Variants in FAM124B observed in about 807,000 individuals in gnomAD.
The protein encoded by FAM124B is protein FAM124B.
A neutral mutation model predicts 19.7 loss-of-function variants in FAM124B; 18 were observed. That is an observed-to-expected ratio of 0.92 (90% CI 0.63 to 1.36). The LOEUF (loss-of-function observed/expected upper bound fraction) is 1.36. FAM124B is among the 40% of genes most tolerant of loss of function. FAM124B has a pLI of 0.00. For synonymous variants in FAM124B, 223 were observed against 225.2 expected (o/e 0.99, Z 0.09); for missense variants, 540 against 553.3 (o/e 0.98, Z 0.24).
chr2:224,401,796 C>T lies in FAM124B; in HGVS notation c.-28G>A, dbSNP rs766448837. On this transcript the variant is annotated 5_prime_UTR_variant, in exon 1 of 2. Transcript: ENST00000409685. ...AGGAACTGCCTGAGGCTGACAAAGACAGCGTGTGTAGAAGGCCCACTGTTC... is the reference window on the plus strand; with the variant it reads ...AGGAACTGCCTGAGGCTGACAAAGATAGCGTGTGTAGAAGGCCCACTGTTC... 6.9e-6 allele frequency: 11 copies of T among 1,591,366 alleles called. No homozygotes were observed. In the East Asian group the frequency reaches 2.0e-4, roughly 29 times the overall value.
At position 224,401,410 on chromosome 2, in the gene FAM124B, T is replaced by TAGA. The variant is rs761233139; in HGVS notation, c.358_359insTCT (p.Asp120delinsValTyr). On this transcript the variant is annotated protein_altering_variant, in exon 1 of 2. Transcript: ENST00000409685. ...CACCCCCCAGATGGGCAGCTGACTG[T>TAGA]CCAGGCTGTAGAACTCCTGATTGGC... The TAGA allele has an allele frequency of 6.2e-7, 1 of 1,614,044 alleles. No individual in the cohort carries two copies. Among genetic ancestry groups the TAGA allele is most frequent in the Non-Finnish European group, 8.5e-7 (1 of 1,180,004 alleles).
Position 224,401,949 on chromosome 2 carries a change from C to CG in FAM124B, c.-182dup, listed in dbSNP as rs1388572533. 12 of 668,836 alleles carry CG rather than the reference C, an allele frequency of 1.8e-5. No individual in the cohort carries two copies. Among genetic ancestry groups the CG allele is most frequent in the African/African-American group, 3.6e-5 (2 of 55,246 alleles). The allele number at this position is 668,836 out of a possible 1,614,324, so 41.4% of individuals were successfully genotyped here. On this transcript the variant is annotated 5_prime_UTR_variant, in exon 1 of 2. Transcript: ENST00000409685. ...GTGCTCCTGGCCACCCGTGGACTTA[C>CG]GGCAAGAGAAGCTCACACCAGCTCG...
intron 1 of FAM124B, among the ~76,000 whole-genome samples, chr2:224,388,270 T>A (rs1433474378): frequency 6.6e-6 from 1 of 152,150 alleles, no homozygotes; most frequent in Non-Finnish European, 1.5e-5. Context: ...AAAGAGGAAG[T>A]GGAATTTGAT....
chr2:224,401,017 C>T lies in FAM124B; in HGVS notation c.732+20G>A, dbSNP rs773089408. 6.4e-7 allele frequency: 1 copy of T among 1,570,392 alleles called. No homozygotes were observed. The highest frequency in any genetic ancestry group is 8.6e-7 in the Non-Finnish European group (1 of 1,157,606). ...ACAGCTCCATGAGCCTCTACAAGAT[C>T]TGAGACAAAACAGAAATACCTGAAG... On this transcript the variant is annotated intron_variant, in intron 1 of 1. Coordinates refer to ENST00000409685, the MANE Select transcript of FAM124B (RefSeq NM_001122779.2).
chr2:224,379,580 A>C lies in FAM124B; in HGVS notation c.1361T>G (p.Phe454Cys), dbSNP rs879680851. The change falls in exon 2 of 2, where the codon TTT becomes TGT. Residue 454 changes from phenylalanine to cysteine, a missense_variant. By Grantham distance (205) the Phe-to-Cys change is radical (BLOSUM62 -2). Coordinates refer to ENST00000409685, the MANE Select transcript of FAM124B (RefSeq NM_001122779.2). Reference sequence around the variant, plus strand: ...AACCACATTTATTTTATGCTATATAAAGAATTCTTCTTCATCTTCTTCTTT... The same window carrying C: ...AACCACATTTATTTTATGCTATATACAGAATTCTTCTTCATCTTCTTCTTT... The part of the protein sequence containing the change: ...EEKEEDEEEF[F>C]I 1.4e-5 allele frequency: 21 copies of C among 1,536,670 alleles called. No homozygotes were observed. Among genetic ancestry groups the C allele is most frequent in the Non-Finnish European group, 1.7e-5 (19 of 1,140,568 alleles).
intron 1 of FAM124B, among the ~76,000 whole-genome samples, chr2:224,398,810 C>T (rs6714462): frequency 0.17 from 25,574 of 152,018 alleles, 2,375 homozygotes; most frequent in African/African-American, 0.2. Flanking sequence ...ACCCCATCTC[C>T]ACTAAAAATA....
chr2:224,400,480 TG>T (rs771147711), intron 1 of FAM124B: 18 of 696,806 alleles, frequency 2.6e-5, no homozygotes, highest in South Asian at 9.0e-5. Context: ...CACTCGAGTC[TG>T]GGCAACAGAG....
intron 1 of FAM124B, among the ~76,000 whole-genome samples, chr2:224,389,885 C>T (rs1689852537): frequency 2.0e-5 from 3 of 151,926 alleles, no homozygotes; most frequent in Admixed American, 2.0e-4. Context: ...TTTTGTCTCC[C>T]AAGGGACATT....
At position 224,379,625 on chromosome 2, in the gene FAM124B, A is replaced by C. The variant is rs1441194501; in HGVS notation, c.1316T>G (p.Leu439Arg). The C allele has an allele frequency of 2.6e-6, 4 of 1,550,692 alleles. No homozygotes were observed. Among genetic ancestry groups the C allele is most frequent in the Non-Finnish European group, 3.5e-6 (4 of 1,146,512 alleles). ...RKTISECLLH[L>R]QVQGEEKEED... Reference sequence around the variant, plus strand: ...TTCTTTTTCTTCACCCTGAACTTGCAGATGAAGGAGACATTCTGAAATTGT... The same window carrying C: ...TTCTTTTTCTTCACCCTGAACTTGCCGATGAAGGAGACATTCTGAAATTGT... Residue 439 changes from leucine to arginine, a missense_variant, in exon 2 of 2, where the codon CTG (leucine) becomes CGG (arginine). By Grantham distance (102) the Leu-to-Arg change is moderately radical (BLOSUM62 -2). Coordinates refer to ENST00000409685, the MANE Select transcript of FAM124B (RefSeq NM_001122779.2).
In FAM124B at chr2:224,400,577, C is replaced by G. The variant is rs1004575196; in HGVS notation, c.732+460G>C. The G allele has an allele frequency of 1.8e-5, 12 of 667,062 alleles. No homozygotes were observed. The African/African-American group carries it at 1.8e-4, about 10-fold the overall frequency. 41.3% of individuals were successfully genotyped at this position (667,062 alleles called of 1,614,324 possible). ...AAGTATGACTTCAACTTCCTTAAGT[C>G]AGATTAGAAGAGCTTGTGACATTCC... On this transcript the variant is annotated intron_variant, in intron 1 of 1. Coordinates refer to ENST00000409685, the MANE Select transcript of FAM124B (RefSeq NM_001122779.2).
At position 224,401,060 on chromosome 2, in the gene FAM124B, C is replaced by G; in HGVS notation, c.709G>C (p.Asp237His). ...SSTRWQTQDY[D>H]GNKILLQVQL... ...ACCTGAAGCAGAATCTTGTTGCCAT[C>G]GTAGTCCTGAGTCTGCCACCTGGTG... The change falls in exon 1 of 2, where the codon GAT (aspartate) becomes CAT (histidine). Residue 237 changes from aspartate (D) to histidine (H), a missense_variant. Physicochemically the swap from Asp to His is moderately conservative, Grantham distance 81 (BLOSUM62 -1). Coordinates refer to ENST00000409685, the MANE Select transcript of FAM124B (RefSeq NM_001122779.2). 6.2e-7 allele frequency: 1 copy of G among 1,606,336 alleles called. No individual in the cohort carries two copies. The highest frequency in any genetic ancestry group is 8.5e-7 in the Non-Finnish European group (1 of 1,174,982).
chr2:224,387,994 C>T (rs879803387), intron 1 of FAM124B, among the ~76,000 whole-genome samples: 1 of 152,172 alleles, frequency 6.6e-6, no homozygotes, highest in Non-Finnish European at 1.5e-5. Context: ...TCTGTATATA[C>T]CTTCTTTAAG....
chr2:224,397,718 T>C (rs1689995915), intron 1 of FAM124B, among the ~76,000 whole-genome samples: 1 of 152,206 alleles, frequency 6.6e-6, no homozygotes, highest in African/African-American at 2.4e-5. Flanking sequence ...TCTCATTATG[T>C]TTTAGCAAAG....
At chr2:224,384,804 G>C (rs556944375) in intron 1 of FAM124B, among the ~76,000 whole-genome samples, 1 of 152,062 alleles carries the variant, frequency 6.6e-6, no homozygotes, top group African/African-American at 2.4e-5. Flanking sequence ...GAAAGTGACC[G>C]GTCCCTGGGC....
At chr2:224,385,196 CCCT>C (rs1162234918) in intron 1 of FAM124B, among the ~76,000 whole-genome samples, 1 of 152,168 alleles carries the variant, frequency 6.6e-6, no homozygotes, top group African/African-American at 2.4e-5. Flanking sequence ...GCTGGTAATT[CCCT>C]CCTACCACTC....
chr2:224,389,863 A>G (rs1475997967), intron 1 of FAM124B, among the ~76,000 whole-genome samples: 3 of 152,092 alleles, frequency 2.0e-5, no homozygotes, highest in Non-Finnish European at 4.4e-5. Context: ...AGTGGTCCTC[A>G]TTTGGGGTGA....
chr2:224,395,302 C>T (rs116126322), intron 1 of FAM124B, among the ~76,000 whole-genome samples: 3,090 of 152,216 alleles, frequency 0.02, 91 homozygotes, highest in African/African-American at 0.07. Context: ...ACTTTGGACA[C>T]GGGTCTCAGC....
intron 1 of FAM124B, among the ~76,000 whole-genome samples, chr2:224,396,267 C>T (rs1362977463): frequency 2.0e-5 from 3 of 152,116 alleles, no homozygotes; most frequent in Admixed American, 1.3e-4. Flanking sequence ...CTGAGCATGG[C>T]CTGCTAAGCA....
chr2:224,401,762 C>T lies in FAM124B; in HGVS notation c.7G>A (p.Glu3Lys), dbSNP rs759243989. The change falls in exon 1 of 2, where the codon GAG becomes AAG. Residue 3 changes from glutamate to lysine, a missense_variant. Glu to Lys is a moderately conservative substitution (Grantham distance 56). Transcript: ENST00000409685. ...GTCATGGCCAGAGGCCCCTGTGTCT[C>T]ATCCATGGAGGAACTGCCTGAGGCT... MD[E>K]TQGPLAMTVH... 1 of 1,611,628 alleles carries T rather than the reference C, an allele frequency of 6.2e-7. No homozygotes were observed. Among genetic ancestry groups the T allele is most frequent in the South Asian group, 1.1e-5 (1 of 90,980 alleles).
Sources: allele counts gnomAD v4.1 joint callset (sites outside exome capture counted in the v4.1 genomes callset), GRCh38; gene constraint gnomAD v4.1.1; transcripts MANE v1.5; gene names NCBI Gene and HGNC (gene_info 2026-07-23, HGNC 2026-07-21).